The following SLC24A2 variants were observed in gnomAD, a reference collection of about 807,000 sequenced individuals.
The protein encoded by SLC24A2 is solute carrier family 24 member 2.
SLC24A2 carries 36 observed loss-of-function variants against 62.0 expected under a neutral mutation model. The ratio of observed to expected loss-of-function variants is 0.58; its 90% confidence interval spans 0.44 to 0.77. The LOEUF (loss-of-function observed/expected upper bound fraction) is 0.77. Among genes scored for constraint, SLC24A2 ranks in the 30% least tolerant of loss-of-function variants. The pLI, the probability that SLC24A2 is intolerant of heterozygous loss-of-function variation, is 0.00. For missense variants in SLC24A2, 846 were observed against 817.9 expected (o/e 1.03, Z -0.42); for synonymous variants, 358 against 294.0 (o/e 1.22, Z -2.23).
chr9:19,843,834 G>A, the SLC24A2 span, among the ~76,000 whole-genome samples: 2 of 152,134 alleles, frequency 1.3e-5, no homozygotes, highest in African/African-American at 4.8e-5. Context: ...CTGCATTCAT[G>A]TTGCTGCAAA....
At chr9:19,971,991 G>A in the SLC24A2 span, among the ~76,000 whole-genome samples, 8 of 152,252 alleles carry the variant, frequency 5.3e-5, no homozygotes, top group South Asian at 1.7e-3. Context: ...CAACTAACAA[G>A]TAGAGCTAGA....
the SLC24A2 span, among the ~76,000 whole-genome samples, chr9:19,794,126 C>T: frequency 6.6e-5 from 10 of 152,308 alleles, 1 homozygote; most frequent in South Asian, 1.9e-3. Context: ...TGCAACAGCA[C>T]TTAAGGCCAA....
the SLC24A2 span, among the ~76,000 whole-genome samples, chr9:20,227,433 C>G: frequency 1.3e-4 from 19 of 150,626 alleles, no homozygotes; most frequent in African/African-American, 4.2e-4. Flanking sequence ...AATGATAGCT[C>G]AACCATGTGA....
At chr9:20,049,348 T>C in the SLC24A2 span, among the ~76,000 whole-genome samples, 1 of 152,210 alleles carries the variant, frequency 6.6e-6, no homozygotes, top group Non-Finnish European at 1.5e-5. Flanking sequence ...ATTAAGTTAT[T>C]GCGTGACTCC....
chr9:19,565,767 A>G (rs1346921885), intron 7 of SLC24A2, among the ~76,000 whole-genome samples: 1 of 152,204 alleles, frequency 6.6e-6, no homozygotes, highest in Non-Finnish European at 1.5e-5. Context: ...CAAAACAGAA[A>G]TATAGACCAA....
At chr9:19,612,399 T>C (rs889804233) in intron 4 of SLC24A2, among the ~76,000 whole-genome samples, 2 of 152,176 alleles carry the variant, frequency 1.3e-5, no homozygotes, top group Non-Finnish European at 2.9e-5. Context: ...AGGCTGCTCT[T>C]GTACTCCTAA....
chr9:19,622,232 C>T (rs1817925080), intron 3 of SLC24A2, 29 bp downstream of exon 3: 1 of 1,608,100 alleles, frequency 6.2e-7, no homozygotes, highest in Non-Finnish European at 8.5e-7. Context: ...GGCACACAAA[C>T]AGGTACAGAC....
chr9:20,035,199 T>A, the SLC24A2 span, among the ~76,000 whole-genome samples: 2 of 152,128 alleles, frequency 1.3e-5, no homozygotes, highest in Non-Finnish European at 2.9e-5. Flanking sequence ...AACAGTTAGG[T>A]ATGAAAACTC....
the SLC24A2 span, among the ~76,000 whole-genome samples, chr9:20,118,591 A>T: frequency 6.6e-6 from 1 of 152,060 alleles, no homozygotes; most frequent in Non-Finnish European, 1.5e-5. Context: ...ACAAAACCTT[A>T]GGTATTTATA....
At chr9:20,082,702 G>C in the SLC24A2 span, among the ~76,000 whole-genome samples, 25 of 152,240 alleles carry the variant, frequency 1.6e-4, no homozygotes. Context: ...AAGATGCTCT[G>C]TGCTTCCCAC....
chr9:19,722,065 A>G (rs117081349), intron 2 of SLC24A2, among the ~76,000 whole-genome samples: 2,253 of 152,282 alleles, frequency 0.015, 35 homozygotes, highest in Middle Eastern at 0.024. Context: ...CATCCTAGAG[A>G]CTACCTGTCA....
chr9:19,795,192 G>C, the SLC24A2 span, among the ~76,000 whole-genome samples: 1 of 152,198 alleles, frequency 6.6e-6, no homozygotes, highest in Non-Finnish European at 1.5e-5. Context: ...CCTCCATACA[G>C]TATGTACATA....
At chr9:20,265,647 T>A in the SLC24A2 span, among the ~76,000 whole-genome samples, 2 of 152,176 alleles carry the variant, frequency 1.3e-5, no homozygotes, top group African/African-American at 4.8e-5. Context: ...TTGTAGAGCA[T>A]GTGTGTTTGA....
intron 2 of SLC24A2, among the ~76,000 whole-genome samples, chr9:19,707,579 G>C (rs1192628513): frequency 6.6e-6 from 1 of 152,162 alleles, no homozygotes; most frequent in Non-Finnish European, 1.5e-5. Context: ...CTTCATCCCT[G>C]GGATGCAAGA....
chr9:19,783,430 T>C (rs1319763593), intron 2 of SLC24A2, among the ~76,000 whole-genome samples: 1 of 152,210 alleles, frequency 6.6e-6, no homozygotes, highest in Non-Finnish European at 1.5e-5. Context: ...CTTAAAGTCT[T>C]TTTTTCCTAG....
the SLC24A2 span, among the ~76,000 whole-genome samples, chr9:20,096,105 G>A: frequency 7.9e-5 from 12 of 151,644 alleles, no homozygotes; most frequent in East Asian, 2.0e-4. Flanking sequence ...CCGTCCGTCC[G>A]TCCGTCCGTC....
the SLC24A2 span, among the ~76,000 whole-genome samples, chr9:20,194,550 G>A: frequency 6.6e-6 from 1 of 152,020 alleles, no homozygotes; most frequent in Admixed American, 6.6e-5. Flanking sequence ...GTTTATTGAA[G>A]GTTTAGAATG....
At chr9:19,993,724 T>G in the SLC24A2 span, among the ~76,000 whole-genome samples, 1 of 152,120 alleles carries the variant, frequency 6.6e-6, no homozygotes, top group African/African-American at 2.4e-5. Flanking sequence ...AATTGAGCAT[T>G]TCGTGGTCCT....
At chr9:19,817,445 T>G in the SLC24A2 span, among the ~76,000 whole-genome samples, 1 of 152,088 alleles carries the variant, frequency 6.6e-6, no homozygotes, top group South Asian at 2.1e-4. Context: ...TTGGATGACT[T>G]TATATATCTA....
Sources: gnomAD v4.1 joint callset for allele counts (sites outside exome capture counted in the v4.1 genomes callset) on GRCh38, gnomAD v4.1.1 for gene constraint, MANE v1.5 for transcripts, NCBI Gene and HGNC (gene_info 2026-07-23, HGNC 2026-07-21) for gene names.